Variants in DTWD2 observed in about 807,000 individuals in gnomAD.
DTWD2 encodes tRNA-uridine aminocarboxypropyltransferase 2.
A neutral mutation model predicts 31.8 loss-of-function variants in DTWD2; 39 were observed. The ratio of observed to expected loss-of-function variants is 1.22; its 90% confidence interval spans 0.95 to 1.60. The LOEUF is 1.60. Among genes scored for constraint, DTWD2 ranks in the 40% most tolerant of loss-of-function variants. DTWD2 has a pLI of 0.00. For synonymous variants in DTWD2, 180 were observed against 142.8 expected, an observed-to-expected ratio of 1.26 and a Z score of -1.86; for missense variants, 515 against 381.5, an observed-to-expected ratio of 1.35 and a Z score of -2.92.
intron 5 of DTWD2, among the ~76,000 whole-genome samples, chr5:118,845,006 G>C (rs1240848623): frequency 2.0e-5 from 3 of 152,140 alleles, no homozygotes; most frequent in African/African-American, 7.2e-5. Flanking sequence ...AATTAGCTGG[G>C]CATGGTGGTA....
intron 4 of DTWD2, among the ~76,000 whole-genome samples, chr5:118,868,538 T>C (rs1752431018): frequency 6.6e-6 from 1 of 152,044 alleles, no homozygotes; most frequent in Admixed American, 6.6e-5. Flanking sequence ...ATCCAGAACA[T>C]ATTAAAAATT....
intron 4 of DTWD2, among the ~76,000 whole-genome samples, chr5:118,905,107 T>C (rs574903761): frequency 2.6e-5 from 4 of 152,170 alleles, no homozygotes; most frequent in Non-Finnish European, 4.4e-5. Context: ...TGTGTGGATA[T>C]GTGTCTGTGC....
intron 4 of DTWD2, among the ~76,000 whole-genome samples, chr5:118,870,912 T>C (rs1013305003): frequency 4.7e-5 from 7 of 149,966 alleles, no homozygotes; most frequent in African/African-American, 1.7e-4. Flanking sequence ...TTATATAATA[T>C]TCTAAATCTT....
intron 1 of DTWD2, among the ~76,000 whole-genome samples, chr5:118,946,438 G>C (rs185507393): frequency 1.1e-3 from 168 of 152,284 alleles, no homozygotes; most frequent in South Asian, 5.4e-3. Flanking sequence ...TCACTCAGTA[G>C]AAACAGGAAC....
chr5:118,918,075 G>A (rs1238947816), intron 4 of DTWD2, among the ~76,000 whole-genome samples: 1 of 152,018 alleles, frequency 6.6e-6, no homozygotes, highest in Non-Finnish European at 1.5e-5. Context: ...CAACACATGG[G>A]GATTAGAATT....
chr5:118,846,955 CACACACACACAT>C (rs1259989835), intron 5 of DTWD2, among the ~76,000 whole-genome samples: 9 of 137,988 alleles, frequency 6.5e-5, no homozygotes, highest in African/African-American at 2.4e-4. Context: ...CACACACACA[CACACACACACAT>C]ACACACGAAA....
intron 4 of DTWD2, among the ~76,000 whole-genome samples, chr5:118,921,280 G>C (rs1753696665): frequency 6.6e-6 from 1 of 152,112 alleles, no homozygotes; most frequent in Non-Finnish European, 1.5e-5. Flanking sequence ...GAGAGGCTGA[G>C]GCAGGGGGAT....
chr5:118,852,864 C>A (rs1400828421), intron 4 of DTWD2, among the ~76,000 whole-genome samples: 1 of 152,106 alleles, frequency 6.6e-6, no homozygotes, highest in Admixed American at 6.5e-5. Flanking sequence ...ACATATACAT[C>A]ATGGAACACT....
intron 1 of DTWD2, among the ~76,000 whole-genome samples, chr5:118,969,994 C>T (rs917613785): frequency 2.0e-5 from 3 of 152,100 alleles, no homozygotes; most frequent in African/African-American, 7.2e-5. Flanking sequence ...CATAAATGAC[C>T]TGATGGAGCT....
At chr5:118,948,045 T>A (rs1754379397) in intron 1 of DTWD2, among the ~76,000 whole-genome samples, 1 of 152,212 alleles carries the variant, frequency 6.6e-6, no homozygotes, top group African/African-American at 2.4e-5. Flanking sequence ...GTAGTTCATC[T>A]ACTAAAGGTT....
chr5:118,976,938 A>G (rs542138839), intron 1 of DTWD2, among the ~76,000 whole-genome samples: 2 of 152,374 alleles, frequency 1.3e-5, no homozygotes, highest in East Asian at 3.9e-4. Flanking sequence ...AAAATCCTCA[A>G]TAAAATACTG....
chr5:118,980,210 T>C (rs1415142937), intron 1 of DTWD2, among the ~76,000 whole-genome samples: 1 of 152,170 alleles, frequency 6.6e-6, no homozygotes, highest in Non-Finnish European at 1.5e-5. Flanking sequence ...AAAGAGCAGG[T>C]TTACTTGCAA....
At chr5:118,984,041 C>G (rs184453353) in intron 1 of DTWD2, among the ~76,000 whole-genome samples, 2 of 152,176 alleles carry the variant, frequency 1.3e-5, no homozygotes, top group Non-Finnish European at 2.9e-5. Context: ...AATCCCAGCA[C>G]TTTGGGAGGC....
chr5:118,918,239 C>A (rs1361223443), intron 4 of DTWD2, among the ~76,000 whole-genome samples: 2 of 152,120 alleles, frequency 1.3e-5, no homozygotes, highest in African/African-American at 2.4e-5. Context: ...ACATTGCTCA[C>A]TGAAAACGTT....
intron 4 of DTWD2, among the ~76,000 whole-genome samples, chr5:118,872,793 G>A (rs113700366): frequency 0.017 from 2,527 of 152,288 alleles, 85 homozygotes; most frequent in African/African-American, 0.058. Flanking sequence ...AGATTTACAC[G>A]AAGCAGAGTT....
Position 118,838,647 on chromosome 5 carries a change from T to TG in DTWD2, c.*2269_*2270insC, listed in dbSNP as rs1751631826. The TG allele has an allele frequency of 6.6e-6, 1 of 151,990 alleles. No individual in the cohort carries two copies. Among genetic ancestry groups the TG allele is most frequent in the South Asian group, 2.1e-4 (1 of 4,818 alleles). The allele number at this position is 151,990 out of a possible 1,614,324, so 9.4% of individuals were successfully genotyped here. A position where few individuals can be genotyped will look rare whatever the true frequency, so the allele number is the denominator to read the frequency against. On this transcript the variant is annotated 3_prime_UTR_variant, in exon 6 of 6. Transcript: ENST00000510708. ...TGTTAAGAGGTCAGGAAAAAATAAG[T>TG]AAAAAACAAGTACAGTGAGTTAACA... is the stretch of plus-strand genomic sequence containing the variant.
At chr5:118,921,008 T>C (rs1344365884) in intron 4 of DTWD2, among the ~76,000 whole-genome samples, 1 of 152,192 alleles carries the variant, frequency 6.6e-6, no homozygotes. Context: ...CCTTTTTAAA[T>C]TATCCTTTTG....
At chr5:118,960,928 T>C (rs1305793457) in intron 1 of DTWD2, among the ~76,000 whole-genome samples, 1 of 151,958 alleles carries the variant, frequency 6.6e-6, no homozygotes, top group East Asian at 1.9e-4. Context: ...TAATTGAGGG[T>C]GGAGGGTGGG....
At chr5:118,894,757 C>A (rs1442151566) in intron 4 of DTWD2, among the ~76,000 whole-genome samples, 1 of 152,004 alleles carries the variant, frequency 6.6e-6, no homozygotes, top group African/African-American at 2.4e-5. Flanking sequence ...TTAACAGAAC[C>A]AAGACCAAAT....
Sources: gnomAD v4.1 joint callset for allele counts (sites outside exome capture counted in the v4.1 genomes callset) on GRCh38, gnomAD v4.1.1 for gene constraint, MANE v1.5 for transcripts, NCBI Gene and HGNC (gene_info 2026-07-23, HGNC 2026-07-21) for gene names.